Variants in TRAF7 observed in about 807,000 individuals in gnomAD.
The protein encoded by TRAF7 is E3 ubiquitin-protein ligase TRAF7.
A neutral mutation model predicts 89.3 loss-of-function variants in TRAF7; 45 were observed. The observed-to-expected ratio is 0.50, with a 90% CI of 0.40 to 0.65. The LOEUF is 0.65. TRAF7 is among the 30% of genes least tolerant of loss of function. The pLI, the probability that TRAF7 is intolerant of heterozygous loss-of-function variation, is 0.00. For synonymous variants in TRAF7, 406 were observed against 369.2 expected (o/e 1.10, Z -1.14); for missense variants, 677 against 918.1 (o/e 0.74, Z 3.39).
chr16:2,169,857 C>T (rs878915599), intron 4 of TRAF7, among the ~76,000 whole-genome samples: 2 of 152,198 alleles, frequency 1.3e-5, no homozygotes, highest in Non-Finnish European at 2.9e-5. Context: ...CCCAGGCTGC[C>T]GGGAAGGGGG....
In TRAF7 at chr16:2,174,194, T is replaced by C. The variant is rs553697535; in HGVS notation, c.1264-57T>C. 623 of 1,596,262 alleles carry C rather than the reference T, an allele frequency of 3.9e-4. 6 individuals carry two copies. The South Asian group carries it at 6.7e-3, about 17-fold the overall frequency. ...GCTCCCTCACTCATTCCTGTCATGC[T>C]GCCCCTTGACACTGGGCTGACCTTG... On this transcript the variant is annotated intron_variant, in intron 13 of 20. Transcript: ENST00000326181.
chr16:2,165,312 G>C (rs181813525), intron 2 of TRAF7, among the ~76,000 whole-genome samples: 1 of 138,426 alleles, frequency 7.2e-6, no homozygotes. Flanking sequence ...ATGGTTAAGT[G>C]TGTGAGTGCT....
Position 2,168,375 on chromosome 16 carries a change from G to A in TRAF7, c.231+207G>A, listed in dbSNP as rs969870155. ...GCTGGACTGTGGGTGGCAGGGGGCA[G>A]CCAGTGAGGGCAGCTGGGTCAGAGG... is the stretch of plus-strand genomic sequence containing the variant. On this transcript the variant is annotated intron_variant, in intron 4 of 20. Transcript: ENST00000326181. This position sits in a 1 kb window ranked among gnomAD's most constrained non-coding sequence, Gnocchi z 4.1. The A allele has an allele frequency of 2.2e-5, 12 of 539,200 alleles. No homozygotes were observed. The highest frequency in any genetic ancestry group is 4.0e-5 in the Non-Finnish European group (12 of 301,408). The allele number at this position is 539,200 out of a possible 1,614,324, so 33.4% of individuals were successfully genotyped here.
chr16:2,165,941 G>A lies in TRAF7; in HGVS notation c.139+5G>A. ...CCGTCACCACCATCACAAAAGGTGA[G>A]CCCTTAAGCCAAGGCCAGCCCAGGC... On this transcript the variant is annotated splice_donor_5th_base_variant and intron_variant, in intron 3 of 20. Coordinates refer to ENST00000326181, the MANE Select transcript of TRAF7 (RefSeq NM_032271.3). The A allele has an allele frequency of 5.6e-6, 9 of 1,614,082 alleles. No homozygotes were observed. Among genetic ancestry groups the A allele is most frequent in the Non-Finnish European group, 7.6e-6 (9 of 1,179,958 alleles).
chr16:2,166,746 C>G (rs1279143636), intron 3 of TRAF7, among the ~76,000 whole-genome samples: 1 of 152,238 alleles, frequency 6.6e-6, no homozygotes, highest in African/African-American at 2.4e-5. Flanking sequence ...GGATACACGA[C>G]AGAAACCTGA....
At position 2,176,930 on chromosome 16, in the gene TRAF7, C is replaced by T. The variant is rs1419369839; in HGVS notation, c.*356C>T. ...CCTCCTGGTTGAAATAAATGCTCCA[C>T]AGACTGTGGCTGTGAGTGGGGACAG... On this transcript the variant is annotated 3_prime_UTR_variant, in exon 21 of 21. Transcript: ENST00000326181. The T allele has an allele frequency of 1.3e-5, 6 of 463,450 alleles. No individual in the cohort carries two copies. Among genetic ancestry groups the T allele is most frequent in the Admixed American group, 6.8e-5 (2 of 29,628 alleles). The allele number at this position is 463,450 out of a possible 1,614,324, so 28.7% of individuals were successfully genotyped here.
Position 2,173,844 on chromosome 16 carries a change from T to C in TRAF7, c.1135+8T>C, listed in dbSNP as rs2093123720. On this transcript the variant is annotated splice_region_variant and intron_variant, in intron 12 of 20. Coordinates refer to ENST00000326181, the MANE Select transcript of TRAF7 (RefSeq NM_032271.3). ...ACATGGGCATCCTAGGCTGTGAGTA[T>C]GGACCCGCCGTGGCTCCCGCCCACC... 3.7e-6 allele frequency: 6 copies of C among 1,611,064 alleles called. No individual in the cohort carries two copies. The highest frequency in any genetic ancestry group is 3.4e-6 in the Non-Finnish European group (4 of 1,179,824).
intron 1 of TRAF7, among the ~76,000 whole-genome samples, chr16:2,160,212 G>A (rs990106572): frequency 1.1e-4 from 16 of 152,196 alleles, no homozygotes; most frequent in Admixed American, 4.6e-4. Context: ...GGCGAGGTCA[G>A]GGAGGGGCTG....
chr16:2,169,784 T>C (rs1181913381), intron 4 of TRAF7, among the ~76,000 whole-genome samples: 2 of 152,210 alleles, frequency 1.3e-5, no homozygotes, highest in African/African-American at 4.8e-5. Flanking sequence ...GGTGGGTACA[T>C]GGCACACAAT....
Position 2,163,000 on chromosome 16 carries a change from G to C in TRAF7, c.-38-883G>C, listed in dbSNP as rs1167446844. On this transcript the variant is annotated intron_variant, in intron 1 of 20. Coordinates refer to ENST00000326181, the MANE Select transcript of TRAF7 (RefSeq NM_032271.3). This position sits in a 1 kb window ranked among gnomAD's most constrained non-coding sequence, Gnocchi z 5.0. ...GGGAGAGTGGGCGTCATCCAGCATG[G>C]ACAGCCCCTTCCCCGGGCTCTGTCC... 6.6e-6 allele frequency among the ~76,000 whole-genome samples: 1 copy of C among 151,270 alleles called. No individual in the cohort carries two copies. Among genetic ancestry groups the C allele is most frequent in the African/African-American group, 2.4e-5 (1 of 41,568 alleles).
At chr16:2,166,975 C>T (rs1484964418) in intron 3 of TRAF7, among the ~76,000 whole-genome samples, 1 of 152,160 alleles carries the variant, frequency 6.6e-6, no homozygotes, top group Non-Finnish European at 1.5e-5. Flanking sequence ...TGCTAATTAG[C>T]TTTTTAATTG....
intron 2 of TRAF7, 133 bp downstream of exon 2, chr16:2,164,134 G>GC: frequency 1.4e-6 from 1 of 711,888 alleles, no homozygotes; most frequent in Non-Finnish European, 2.3e-6. Context: ...GGTGGGGGGG[G>GC]GTGTGGTGTG....
In TRAF7 at chr16:2,175,304, T is replaced by A; in HGVS notation, c.1390T>A (p.Trp464Arg). 1 of 1,613,354 alleles carries A rather than the reference T, an allele frequency of 6.2e-7. No homozygotes were observed. The highest frequency in any genetic ancestry group is 8.5e-7 in the Non-Finnish European group (1 of 1,179,914). The stretch of plus-strand genomic sequence containing the variant: ...CTGCCGGTCCTTCCCCAATCAGGTG[T>A]GGGACATCCAGAACCTGCAGAAGGT... ...SGSADCTIIV[W>R]DIQNLQKVNT... The change falls in exon 16 of 21, where the codon TGG becomes AGG. Residue 464 changes from tryptophan (W) to arginine (R), a missense_variant. Transcript: ENST00000326181.
chr16:2,167,939 T>A (rs184350669), intron 3 of TRAF7, 138 bp from the exon 4 acceptor site: 14 of 712,258 alleles, frequency 2.0e-5, no homozygotes, highest in Non-Finnish European at 3.3e-5. Context: ...CATCCCTGCA[T>A]GCTTTCCTGC....
At chr16:2,171,396 G>A (rs1859415833) in intron 6 of TRAF7, 40 bp downstream of exon 6, 1 of 1,539,778 alleles carries the variant, frequency 6.5e-7, no homozygotes, top group Non-Finnish European at 8.8e-7. Flanking sequence ...GCTGCCAGAG[G>A]CCCCCACAGG....
intron 9 of TRAF7, 68 bp downstream of exon 9, chr16:2,172,667 G>T: frequency 1.3e-6 from 2 of 1,493,956 alleles, no homozygotes; most frequent in South Asian, 1.3e-5. Context: ...GCTGAGAGCT[G>T]CCCGCTTGCT....
intron 1 of TRAF7, among the ~76,000 whole-genome samples, chr16:2,156,725 A>G (rs965250262): frequency 3.7e-4 from 5 of 13,676 alleles, no homozygotes; most frequent in Admixed American, 2.0e-3. Flanking sequence ...CACAGGGTGC[A>G]TGGTGGGGTG....
Position 2,173,292 on chromosome 16 carries a change from A to G in TRAF7, c.905A>G (p.His302Arg), listed in dbSNP as rs747637094. The G allele has an allele frequency of 1.2e-6, 2 of 1,613,620 alleles. No individual in the cohort carries two copies. The highest frequency in any genetic ancestry group is 3.3e-5 in the Admixed American group (2 of 60,020). The change falls in exon 10 of 21, where the codon CAC (histidine) becomes CGC (arginine). Residue 302 changes from histidine (H) to arginine (R), a missense_variant. By Grantham distance (29) the His-to-Arg change is conservative. Around this residue, in one of 6 missense-constraint regions of TRAF7, gnomAD observed 238 missense variants for 352.6 expected, o/e 0.67. Transcript: ENST00000326181. ...ACGGATGACCGCTTCCACGAGATGCACGTGGCTCTGGCCCAGAAGGACCAG... is the reference window on the plus strand; with the variant it reads ...ACGGATGACCGCTTCCACGAGATGCGCGTGGCTCTGGCCCAGAAGGACCAG... ...QQTDDRFHEM[H>R]VALAQKDQEI...
chr16:2,163,879 A>G lies in TRAF7; in HGVS notation c.-38-4A>G, dbSNP rs764933133. The G allele has an allele frequency of 6.4e-7, 1 of 1,574,426 alleles. No homozygotes were observed. The highest frequency in any genetic ancestry group is 8.7e-7 in the Non-Finnish European group (1 of 1,149,544). On this transcript the variant is annotated splice_polypyrimidine_tract_variant and splice_region_variant and intron_variant, in intron 1 of 20. Transcript: ENST00000326181. This position sits in a 1 kb window ranked among gnomAD's most constrained non-coding sequence, Gnocchi z 4.3. ...CAAGCCCCTCATTTGTGCTCCACCC[A>G]CAGGAGGTGCTTCCCAAGGACCGTA...
Sources: gnomAD v4.1 joint callset for allele counts (sites outside exome capture counted in the v4.1 genomes callset) on GRCh38, gnomAD v4.1.1 for gene constraint, gnomAD v4.1.1 regional missense constraint, Gnocchi (gnomAD v3.1) non-coding constraint, MANE v1.5 for transcripts, NCBI Gene and HGNC (gene_info 2026-07-23, HGNC 2026-07-21) for gene names.